ATP13A4: variants seen among roughly 807,000 people sequenced by gnomAD.
ATP13A4 encodes the protein ATPase 13A4.
ATP13A4 carries 114 observed loss-of-function variants against 142.5 expected under a neutral mutation model. The ratio of observed to expected loss-of-function variants is 0.80; its 90% CI spans 0.69 to 0.93. The LOEUF is 0.93. ATP13A4 is among the 40% of genes least tolerant of loss of function. The probability of loss-of-function intolerance (pLI) is 0.00; values close to 1 mark genes in which losing one functional copy is unlikely to be tolerated. For synonymous variants in ATP13A4, 488 were observed against 514.8 expected (o/e 0.95, Z 0.70); for missense variants, 1,392 against 1,454.0 (o/e 0.96, Z 0.69).
chr3:193,421,908 A>G (rs1368883436), intron 25 of ATP13A4, among the ~76,000 whole-genome samples: 1 of 149,964 alleles, frequency 6.7e-6, no homozygotes, highest in Admixed American at 6.9e-5. Context: ...CAACCATCAA[A>G]TAACAAAGTG....
chr3:193,545,812 C>A (rs547967745), intron 1 of ATP13A4, among the ~76,000 whole-genome samples: 1 of 152,068 alleles, frequency 6.6e-6, no homozygotes, highest in Non-Finnish European at 1.5e-5. Context: ...ATTGACACAA[C>A]AACTGCCATA....
intron 9 of ATP13A4, among the ~76,000 whole-genome samples, chr3:193,470,269 T>C (rs1718542041): frequency 6.6e-6 from 1 of 152,202 alleles, no homozygotes; most frequent in Non-Finnish European, 1.5e-5. Flanking sequence ...GCCATGCCTA[T>C]GATATGAGAT....
chr3:193,522,424 G>C (rs765602083), intron 1 of ATP13A4, among the ~76,000 whole-genome samples: 1 of 152,134 alleles, frequency 6.6e-6, no homozygotes, highest in Non-Finnish European at 1.5e-5. Flanking sequence ...TCACAATCCT[G>C]TAAGGAAGGT....
At chr3:193,426,593 CT>C (rs1220693500) in intron 25 of ATP13A4, among the ~76,000 whole-genome samples, 4 of 151,912 alleles carry the variant, frequency 2.6e-5, no homozygotes, top group African/African-American at 9.7e-5. Flanking sequence ...AGGACTCACA[CT>C]TCCCAAATCC....
Position 193,438,969 on chromosome 3 carries a change from G to C in ATP13A4, c.2562+54C>G, listed in dbSNP as rs529252016. On this transcript the variant is annotated intron_variant, in intron 22 of 29. Transcript: ENST00000342695. Reference sequence around the variant, plus strand: ...CACACACTGGCAGCTACTCTAAAGGGCTTAAGTGTAATCGAATGTGAGATT... The same window carrying C: ...CACACACTGGCAGCTACTCTAAAGGCCTTAAGTGTAATCGAATGTGAGATT... 6 of 1,522,898 alleles carry C rather than the reference G, an allele frequency of 3.9e-6. No homozygotes were observed. In the African/African-American group the frequency reaches 6.9e-5, roughly 17 times the overall value. The allele number at this position is 1,522,898 out of a possible 1,614,324, so 94.3% of individuals were successfully genotyped here.
chr3:193,513,815 G>A (rs1229330810), intron 2 of ATP13A4, among the ~76,000 whole-genome samples: 1 of 152,172 alleles, frequency 6.6e-6, no homozygotes, highest in East Asian at 1.9e-4. Context: ...GGGACAGACA[G>A]CATCCTCCTC....
At chr3:193,490,734 T>C (rs1432938169) in intron 6 of ATP13A4, among the ~76,000 whole-genome samples, 1 of 152,114 alleles carries the variant, frequency 6.6e-6, no homozygotes, top group Non-Finnish European at 1.5e-5. Flanking sequence ...GTTGGAAATA[T>C]TTTGAAAGTA....
At position 193,407,313 on chromosome 3, in the gene ATP13A4, C is replaced by T; in HGVS notation, c.3378G>A (p.Glu1126=). The stretch of plus-strand genomic sequence containing the variant: ...AGCAGCCCAAGATCAGCACACTTAC[C>T]TCGGCCACAAGGGACACAATGAAAT... ...SLNFIVSLVA[E]EAVIENRALW... The change falls in exon 29 of 30, where the codon GAG becomes GAA. Residue 1126 remains glutamate, a splice_region_variant and synonymous_variant. Transcript: ENST00000342695. 6.2e-7 allele frequency: 1 copy of T among 1,610,214 alleles called. No individual in the cohort carries two copies. The highest frequency in any genetic ancestry group is 8.5e-7 in the Non-Finnish European group (1 of 1,176,888).
chr3:193,583,898 A>G (rs1046073324), intron 1 of ATP13A4, among the ~76,000 whole-genome samples: 1 of 152,220 alleles, frequency 6.6e-6, no homozygotes, highest in Admixed American at 6.5e-5. Flanking sequence ...CTTTTAAAAA[A>G]TGATAAATAT....
At chr3:193,586,367 T>G (rs1724670483) in intron 1 of ATP13A4, among the ~76,000 whole-genome samples, 2 of 152,300 alleles carry the variant, frequency 1.3e-5, no homozygotes, top group East Asian at 1.9e-4. Context: ...TTTTAAAAAT[T>G]TTATGGTGTT....
At chr3:193,546,020 TG>T (rs1723204579) in intron 1 of ATP13A4, among the ~76,000 whole-genome samples, 2 of 132,586 alleles carry the variant, frequency 1.5e-5, no homozygotes, top group Non-Finnish European at 3.3e-5. Flanking sequence ...TGTGTGTGTG[TG>T]TGTTTTGGCA....
chr3:193,428,244 C>T (rs1007899342), intron 25 of ATP13A4, among the ~76,000 whole-genome samples: 3 of 151,102 alleles, frequency 2.0e-5, no homozygotes, highest in African/African-American at 7.4e-5. Context: ...CAGTGAGATA[C>T]CATCTCACAC....
rs914379642 is a variant in ATP13A4 at position 193,531,102 on chromosome 3, G to A, written c.61-16231C>T. Among the ~76,000 whole-genome samples, 12 of 152,024 alleles carry A rather than the reference G, an allele frequency of 7.9e-5. No individual in the cohort carries two copies. In the South Asian group the frequency reaches 1.2e-3, roughly 16 times the overall value. On this transcript the variant is annotated intron_variant, in intron 1 of 29. Coordinates refer to ENST00000342695, the MANE Select transcript of ATP13A4 (RefSeq NM_032279.4). The stretch of plus-strand genomic sequence containing the variant: ...TCAGTTAGCACTTTTCAATGAAGCC[G>A]TCCAGGAGTGGGTCGTGGCTTCTCC...
intron 2 of ATP13A4, among the ~76,000 whole-genome samples, chr3:193,513,040 C>G (rs1458783174): frequency 1.3e-5 from 2 of 152,222 alleles, no homozygotes; most frequent in Non-Finnish European, 2.9e-5. Context: ...CTCCAAGAGT[C>G]TCTAGTAAAA....
chr3:193,544,480 A>G (rs1288998269), intron 1 of ATP13A4, among the ~76,000 whole-genome samples: 1 of 152,072 alleles, frequency 6.6e-6, no homozygotes, highest in Non-Finnish European at 1.5e-5. Context: ...GCAACAGATA[A>G]CCCTGTCTAC....
chr3:193,512,708 G>A (rs892244070), intron 2 of ATP13A4, among the ~76,000 whole-genome samples: 1 of 152,168 alleles, frequency 6.6e-6, no homozygotes, highest in African/African-American at 2.4e-5. Context: ...CAGTTGAAGT[G>A]TGTGAACCCT....
chr3:193,535,866 T>C (rs987650133), intron 1 of ATP13A4, among the ~76,000 whole-genome samples: 6 of 152,164 alleles, frequency 3.9e-5, no homozygotes, highest in East Asian at 1.9e-4. Context: ...TCTACACATA[T>C]AAATTTGACA....
intron 1 of ATP13A4, among the ~76,000 whole-genome samples, chr3:193,520,861 G>C (rs1721678287): frequency 6.6e-6 from 1 of 152,200 alleles, no homozygotes; most frequent in Non-Finnish European, 1.5e-5. Context: ...CTGGCAGATA[G>C]TTGGGATGAT....
intron 8 of ATP13A4, 102 bp downstream of exon 8, chr3:193,483,834 T>A: frequency 2.9e-6 from 3 of 1,043,254 alleles, no homozygotes; most frequent in Admixed American, 3.5e-5. Flanking sequence ...TAAGGAGAAA[T>A]GAATATGAAG....
Sources: gnomAD v4.1 joint callset for allele counts (sites outside exome capture counted in the v4.1 genomes callset) on GRCh38, gnomAD v4.1.1 for gene constraint, MANE v1.5 for transcripts, NCBI Gene and HGNC (gene_info 2026-07-23, HGNC 2026-07-21) for gene names.